Variants in ANO4 observed in about 807,000 individuals in gnomAD.
ANO4 encodes the protein anoctamin-4.
Under a neutral mutation model 141.9 loss-of-function variants are expected in ANO4, and 69 were observed. The observed-to-expected ratio is 0.49, with a 90% CI of 0.40 to 0.59. ANO4 has a LOEUF of 0.59. ANO4 is among the 20% of genes least tolerant of loss of function. ANO4 has a pLI of 0.00. For synonymous variants in ANO4, 350 were observed against 394.3 expected (o/e 0.89, Z 1.33); for missense variants, 894 against 1,162.2 (o/e 0.77, Z 3.36).
chr12:100,977,196 T>C (rs1254238580), intron 7 of ANO4, among the ~76,000 whole-genome samples: 1 of 152,204 alleles, frequency 6.6e-6, no homozygotes, highest in Non-Finnish European at 1.5e-5. Flanking sequence ...GTAATAATTA[T>C]GTCTTTGCAG....
intron 2 of ANO4, among the ~76,000 whole-genome samples, chr12:100,902,132 A>G (rs745636660): frequency 2.6e-5 from 4 of 152,196 alleles, no homozygotes; most frequent in African/African-American, 7.2e-5. Flanking sequence ...AGCTCATTAT[A>G]TAATAAAACA....
chr12:100,725,277 G>A (rs1182569467), intron 1 of ANO4, among the ~76,000 whole-genome samples: 3 of 151,148 alleles, frequency 2.0e-5, no homozygotes, highest in African/African-American at 7.3e-5. Flanking sequence ...TTTGTGGATT[G>A]TGGATTCCAG....
intron 2 of ANO4, among the ~76,000 whole-genome samples, chr12:100,910,099 T>C (rs1414359636): frequency 5.3e-5 from 8 of 152,312 alleles, no homozygotes; most frequent in Non-Finnish European, 1.5e-5. Context: ...GGACATCCTG[T>C]ATTGTAATGT....
chr12:100,898,207 AT>A (rs945261736), intron 1 of ANO4, among the ~76,000 whole-genome samples: 12 of 151,706 alleles, frequency 7.9e-5, no homozygotes, highest in South Asian at 2.1e-4. Flanking sequence ...AGTGTCAACA[AT>A]TTTTTTTTAG....
intron 14 of ANO4, among the ~76,000 whole-genome samples, chr12:101,071,349 AAAAG>A (rs1047432797): frequency 3.3e-5 from 5 of 151,972 alleles, no homozygotes; most frequent in Non-Finnish European, 5.9e-5. Flanking sequence ...AAAAAAAAAA[AAAAG>A]AGAATGACAT....
At chr12:100,930,314 G>A (rs2042038553) in intron 3 of ANO4, among the ~76,000 whole-genome samples, 1 of 152,060 alleles carries the variant, frequency 6.6e-6, no homozygotes, top group African/African-American at 2.4e-5. Context: ...CTTAGTGTGA[G>A]GCCTTAGATT....
intron 3 of ANO4, among the ~76,000 whole-genome samples, chr12:100,930,062 A>G (rs1401270047): frequency 2.0e-5 from 3 of 152,048 alleles, no homozygotes; most frequent in Non-Finnish European, 4.4e-5. Flanking sequence ...TTTGAGCTCC[A>G]TATATATTTT....
chr12:100,802,288 A>G (rs576002847), intron 1 of ANO4, among the ~76,000 whole-genome samples: 1 of 152,208 alleles, frequency 6.6e-6, no homozygotes, highest in Non-Finnish European at 1.5e-5. Flanking sequence ...ATGCATGTGT[A>G]AGTTTGTTTC....
intron 14 of ANO4, among the ~76,000 whole-genome samples, chr12:101,052,117 C>A (rs780863820): frequency 4.6e-5 from 7 of 152,076 alleles, no homozygotes; most frequent in Non-Finnish European, 1.0e-4. Flanking sequence ...TTTGTGTGTT[C>A]ACCGGAAAAA....
chr12:100,792,089 A>G (rs2034066011), upstream of ANO4, among the ~76,000 whole-genome samples: 1 of 103,574 alleles, frequency 9.7e-6, no homozygotes, highest in Non-Finnish European at 2.2e-5. Flanking sequence ...GGTCTGGAAA[A>G]TAGTCATATT....
chr12:101,034,215 A>G (rs1347909132), intron 9 of ANO4, among the ~76,000 whole-genome samples: 1 of 152,246 alleles, frequency 6.6e-6, no homozygotes, highest in African/African-American at 2.4e-5. Context: ...ACTGTTCACA[A>G]TAGCAAAGTT....
chr12:100,894,752 G>A (rs1472223027), intron 1 of ANO4, among the ~76,000 whole-genome samples: 1 of 151,918 alleles, frequency 6.6e-6, no homozygotes, highest in East Asian at 1.9e-4. Context: ...GGATCACGAG[G>A]TCAGGAGATT....
chr12:101,055,843 T>A (rs1289733754), intron 14 of ANO4, among the ~76,000 whole-genome samples: 1 of 152,192 alleles, frequency 6.6e-6, no homozygotes, highest in Non-Finnish European at 1.5e-5. Flanking sequence ...TTTTTGTATA[T>A]GGCATAACGT....
chr12:100,727,390 A>C (rs2031178923), intron 1 of ANO4, among the ~76,000 whole-genome samples: 1 of 152,206 alleles, frequency 6.6e-6, no homozygotes, highest in Non-Finnish European at 1.5e-5. Flanking sequence ...CTTCTTGGAT[A>C]ATTGAACCCT....
At chr12:100,731,898 T>G (rs1278656133) in intron 1 of ANO4, among the ~76,000 whole-genome samples, 1 of 152,216 alleles carries the variant, frequency 6.6e-6, no homozygotes, top group Non-Finnish European at 1.5e-5. Context: ...CATTCCTCTA[T>G]GGAAGGTCAT....
intron 1 of ANO4, among the ~76,000 whole-genome samples, chr12:100,840,377 T>C (rs1201268401): frequency 1.3e-5 from 2 of 152,136 alleles, no homozygotes; most frequent in Non-Finnish European, 2.9e-5. Flanking sequence ...TATATAACTT[T>C]ACGATTTTCA....
intron 14 of ANO4, among the ~76,000 whole-genome samples, chr12:101,055,766 A>T (rs1187805460): frequency 6.6e-6 from 1 of 151,996 alleles, no homozygotes; most frequent in Non-Finnish European, 1.5e-5. Flanking sequence ...ATTTTCGTCT[A>T]TATTGTCTTC....
At chr12:101,074,690 A>G (rs1429044797) in intron 14 of ANO4, among the ~76,000 whole-genome samples, 1 of 152,254 alleles carries the variant, frequency 6.6e-6, no homozygotes, top group African/African-American at 2.4e-5. Context: ...AAAGAGAAGC[A>G]TAATAAGCTT....
intron 8 of ANO4, among the ~76,000 whole-genome samples, chr12:100,990,936 T>G (rs1393074474): frequency 3.3e-5 from 5 of 152,082 alleles, no homozygotes; most frequent in Non-Finnish European, 7.4e-5. Flanking sequence ...AGCATAGGTT[T>G]GTGAGGAGGA....
Sources: gnomAD v4.1 joint callset for allele counts (sites outside exome capture counted in the v4.1 genomes callset) on GRCh38, gnomAD v4.1.1 for gene constraint, MANE v1.5 for transcripts, NCBI Gene and HGNC (gene_info 2026-07-23, HGNC 2026-07-21) for gene names.